SEZ6L2: variants seen among roughly 807,000 people sequenced by gnomAD.
The protein encoded by SEZ6L2 is seizure 6-like protein 2.
SEZ6L2 carries 44 observed loss-of-function variants against 97.0 expected under a neutral mutation model. The observed-to-expected ratio is 0.45, with a 90% confidence interval of 0.36 to 0.58. SEZ6L2 has a LOEUF of 0.58. Ranked by LOEUF, SEZ6L2 falls within the 20% of genes least tolerant of loss-of-function variation. The probability of loss-of-function intolerance (pLI) is 0.00; values close to 1 mark genes in which losing one functional copy is unlikely to be tolerated. For synonymous variants in SEZ6L2, 543 were observed against 546.1 expected (o/e 0.99, Z 0.08); for missense variants, 1,086 against 1,233.3 (o/e 0.88, Z 1.79).
chr16:29,889,075 A>G (rs2068211645), intron 5 of SEZ6L2, among the ~76,000 whole-genome samples: 1 of 124,082 alleles, frequency 8.1e-6, no homozygotes, highest in South Asian at 2.2e-4. Context: ...ATCCAGCTGT[A>G]ATAACAGTAT....
At chr16:29,874,547 C>CTTTTTTTTTTTT (rs1567410632) in intron 12 of SEZ6L2, among the ~76,000 whole-genome samples, 3 of 24,540 alleles carry the variant, frequency 1.2e-4, no homozygotes, top group Non-Finnish European at 2.5e-4. Flanking sequence ...TGTGTGTGTG[C>CTTTTTTTTTTTT]TTGTTTTTTT....
intron 4 of SEZ6L2, 86 bp from the exon 5 acceptor site, chr16:29,895,546 T>G (rs2068366960): frequency 6.7e-7 from 1 of 1,493,496 alleles, no homozygotes; most frequent in Non-Finnish European, 9.1e-7. Flanking sequence ...TTGCCCTGTG[T>G]GTAGCAGCCC....
rs1409879796 is a variant in SEZ6L2 at position 29,898,943 on chromosome 16, T to C, written c.77A>G (p.Gln26Arg). 2 of 1,610,166 alleles carry C rather than the reference T, an allele frequency of 1.2e-6. No individual in the cohort carries two copies. The highest frequency in any genetic ancestry group is 1.1e-5 in the South Asian group (1 of 90,872). The change falls in exon 1 of 18, where the codon CAG (glutamine) becomes CGG (arginine). Residue 26 changes from glutamine to arginine, a missense_variant and splice_region_variant. By Grantham distance (43) the Gln-to-Arg change is conservative. Around this residue, in one of 2 missense-constraint regions of SEZ6L2, gnomAD observed 776 missense variants for 794.7 expected, o/e 0.98. Transcript: ENST00000617533. ...FLILLSCPWI[Q>R]GLPLKEEEIL... The stretch of plus-strand genomic sequence containing the variant: ...CCCCCACAGTCTCATGTCCTTACCC[T>C]GGATCCAGGGACAGCTCAGCAGAAT...
rs1353466011 is a variant in SEZ6L2 at position 29,899,307 on chromosome 16, G to A, written c.-288C>T. The A allele has an allele frequency of 2.4e-6, 1 of 410,654 alleles. No homozygotes were observed. 25.4% of individuals were successfully genotyped at this position (410,654 alleles called of 1,614,324 possible). A position where few individuals can be genotyped will look rare whatever the true frequency, so the allele number is the denominator to read the frequency against. ...GGCTGCAGGGGGTGGGGCCGAGAGGGCCGAAGGGGCCGGGTGGCCTGGGTT... is the reference window on the plus strand; with the variant it reads ...GGCTGCAGGGGGTGGGGCCGAGAGGACCGAAGGGGCCGGGTGGCCTGGGTT... On this transcript the variant is annotated 5_prime_UTR_variant, in exon 1 of 18. Coordinates refer to ENST00000617533, the MANE Select transcript of SEZ6L2 (RefSeq NM_001243332.2).
chr16:29,872,575 G>A (rs768557755), intron 15 of SEZ6L2, 49 bp from the exon 16 acceptor site: 2 of 1,603,286 alleles, frequency 1.2e-6, no homozygotes, highest in South Asian at 2.2e-5. Context: ...CCGGTCCTGG[G>A]CTCTCCCAGC....
chr16:29,879,877 C>A lies in SEZ6L2; in HGVS notation c.1560G>T (p.Glu520Asp). The change falls in exon 9 of 18, where the codon GAG (glutamate) becomes GAT (aspartate). Residue 520 changes from glutamate to aspartate, a missense_variant. Physicochemically the swap from Glu to Asp is conservative, Grantham distance 45. Around this residue, in one of 2 missense-constraint regions of SEZ6L2, gnomAD observed 776 missense variants for 794.7 expected, o/e 0.98. Transcript: ENST00000617533. ...AGGAAGGCTCACCTTTGCAGGCCGG[C>A]TCTGTGTCGTTCCAGTGGGGTTCTG... is the stretch of plus-strand genomic sequence containing the variant. ...DPTEPHWNDTEPACKAMCGGE... is the reference protein window; with the variant it reads ...DPTEPHWNDTDPACKAMCGGE... 6.2e-7 allele frequency: 1 copy of A among 1,607,072 alleles called. No homozygotes were observed. Among genetic ancestry groups the A allele is most frequent in the Admixed American group, 1.7e-5 (1 of 59,490 alleles).
intron 8 of SEZ6L2, 79 bp from the exon 9 acceptor site, chr16:29,880,143 G>T: frequency 7.2e-7 from 1 of 1,397,166 alleles, no homozygotes; most frequent in South Asian, 1.3e-5. Flanking sequence ...GGGCTGAATT[G>T]GGGTGTTCTT....
At position 29,895,223 on chromosome 16, in the gene SEZ6L2, C is replaced by A. The variant is rs372226164; in HGVS notation, c.853+36G>T. On this transcript the variant is annotated intron_variant, in intron 5 of 17. Transcript: ENST00000617533. The stretch of plus-strand genomic sequence containing the variant: ...AAGATGTCCAGTGTATGCAGTATGG[C>A]CCCTGCCCTTCCAGCAGCACCCTCA... 18 of 1,528,514 alleles carry A rather than the reference C, an allele frequency of 1.2e-5. No homozygotes were observed. In the African/African-American group the frequency reaches 2.0e-4, roughly 17 times the overall value. 94.7% of individuals were successfully genotyped at this position (1,528,514 alleles called of 1,614,324 possible). A position where few individuals can be genotyped will look rare whatever the true frequency, so the allele number is the denominator to read the frequency against.
At chr16:29,872,828 G>C in intron 14 of SEZ6L2, 85 bp from the exon 15 acceptor site, 1 of 1,151,786 alleles carries the variant, frequency 8.7e-7, no homozygotes, top group Non-Finnish European at 1.3e-6. Context: ...GTGGGGCTGG[G>C]CTGGACAGCC....
chr16:29,871,547 C>CT lies in SEZ6L2; in HGVS notation c.*151_*152insA. On this transcript the variant is annotated 3_prime_UTR_variant, in exon 18 of 18. Coordinates refer to ENST00000617533, the MANE Select transcript of SEZ6L2 (RefSeq NM_001243332.2). ...GCTGGTTTATTTACTGTAGGATCTC[C>CT]AGGGCCATCAAAGCCCCCTCGTGGG... The CT allele has an allele frequency of 1.3e-6, 1 of 773,332 alleles. No individual in the cohort carries two copies. Among genetic ancestry groups the CT allele is most frequent in the South Asian group, 1.5e-5 (1 of 66,130 alleles). The allele number at this position is 773,332 out of a possible 1,614,324, so 47.9% of individuals were successfully genotyped here.
intron 5 of SEZ6L2, among the ~76,000 whole-genome samples, chr16:29,892,694 G>A (rs2068295402): frequency 6.6e-6 from 1 of 152,258 alleles, no homozygotes; most frequent in Non-Finnish European, 1.5e-5. Context: ...AAGGAGGGCA[G>A]AGTGCGTGAC....
rs776251107 is a variant in SEZ6L2, at chr16:29,885,586, C to T, written c.1372G>A (p.Ala458Thr). The T allele has an allele frequency of 3.1e-6, 5 of 1,612,970 alleles. No homozygotes were observed. The South Asian group carries it at 3.3e-5, about 11-fold the overall frequency. Residue 458 changes from alanine to threonine, a missense_variant and splice_region_variant, in exon 8 of 18, where the codon GCC becomes ACC. Ala to Thr is a moderately conservative substitution (Grantham distance 58). Coordinates refer to ENST00000617533, the MANE Select transcript of SEZ6L2 (RefSeq NM_001243332.2). ...NPLLLSLRFE[A>T]FEEDRCFAPF... Reference sequence around the variant, plus strand: ...TCCTGTGGGGGAGTGGGTCACTTACCTTCAAATCGAAGGCTTAACAGCAGG... The same window carrying T: ...TCCTGTGGGGGAGTGGGTCACTTACTTTCAAATCGAAGGCTTAACAGCAGG...
rs551033987 is a variant in SEZ6L2, at chr16:29,871,423, A to G, written c.*276T>C. On this transcript the variant is annotated 3_prime_UTR_variant, in exon 18 of 18. Coordinates refer to ENST00000617533, the MANE Select transcript of SEZ6L2 (RefSeq NM_001243332.2). ...GGGCAGGAGGGGCTGCAAGATTTGCAGGGAGGCAGAGTTCCCCTCCCAGAA... is the reference window on the plus strand; with the variant it reads ...GGGCAGGAGGGGCTGCAAGATTTGCGGGGAGGCAGAGTTCCCCTCCCAGAA... 2 of 555,150 alleles carry G rather than the reference A, an allele frequency of 3.6e-6. No individual in the cohort carries two copies. Among genetic ancestry groups the G allele is most frequent in the African/African-American group, 3.8e-5 (2 of 53,032 alleles). The allele number at this position is 555,150 out of a possible 1,614,324, so 34.4% of individuals were successfully genotyped here. A position where few individuals can be genotyped will look rare whatever the true frequency, so the allele number is the denominator to read the frequency against.
At chr16:29,894,237 G>T (rs1051816005) in intron 5 of SEZ6L2, among the ~76,000 whole-genome samples, 1 of 152,172 alleles carries the variant, frequency 6.6e-6, no homozygotes, top group African/African-American at 2.4e-5. Context: ...TAAGTATTGT[G>T]ATCCCTATTT....
intron 2 of SEZ6L2, 66 bp from the exon 3 acceptor site, chr16:29,897,187 G>T: frequency 7.4e-7 from 1 of 1,354,276 alleles, no homozygotes; most frequent in Non-Finnish European, 9.8e-7. Context: ...TGGGGAGCAG[G>T]GCTGAGGGAA....
At chr16:29,898,878 G>C in intron 1 of SEZ6L2, 63 bp downstream of exon 1, 1 of 1,274,574 alleles carries the variant, frequency 7.8e-7, no homozygotes, top group Non-Finnish European at 1.1e-6. Context: ...TTAAGAGAAA[G>C]GAGGGTGGAG....
chr16:29,893,032 A>G (rs2068303961), intron 5 of SEZ6L2, among the ~76,000 whole-genome samples: 1 of 152,212 alleles, frequency 6.6e-6, no homozygotes, highest in Non-Finnish European at 1.5e-5. Context: ...TTTCCTGCTT[A>G]AAACATTTCA....
intron 8 of SEZ6L2, among the ~76,000 whole-genome samples, chr16:29,884,214 TAGTC>T (rs1219323254): frequency 6.6e-6 from 1 of 152,184 alleles, no homozygotes; most frequent in Non-Finnish European, 1.5e-5. Context: ...ACCAGGATCT[TAGTC>T]AGGTCAATGA....
Position 29,888,524 on chromosome 16 carries a change from G to A in SEZ6L2, c.1039+16C>T. On this transcript the variant is annotated intron_variant, in intron 6 of 17. Transcript: ENST00000617533. ...TCCCAGAACAGATGCCCCACCCACT[G>A]TGGCAGGAGACTCACCCATGCAGCT... 6.2e-7 allele frequency: 1 copy of A among 1,610,778 alleles called. No homozygotes were observed.
Sources: gnomAD v4.1 joint callset for allele counts (sites outside exome capture counted in the v4.1 genomes callset) on GRCh38, gnomAD v4.1.1 for gene constraint, gnomAD v4.1.1 regional missense constraint, MANE v1.5 for transcripts, NCBI Gene and HGNC (gene_info 2026-07-23, HGNC 2026-07-21) for gene names.